Variants in UBE3A observed in about 807,000 individuals in gnomAD.
UBE3A encodes ubiquitin protein ligase E3A.
In UBE3A, 6 loss-of-function variants were observed where a neutral mutation model predicts 83.4. The observed-to-expected ratio is 0.07, with a 90% CI of 0.04 to 0.14. UBE3A has a LOEUF of 0.14. Ranked by LOEUF, UBE3A falls within the 10% of genes least tolerant of loss-of-function variation. The probability of loss-of-function intolerance (pLI) is 1.00; values close to 1 mark genes in which losing one functional copy is unlikely to be tolerated. For missense variants in UBE3A, 456 were observed against 1,036.1 expected (o/e 0.44, Z 7.69); for synonymous variants, 337 against 355.4 (o/e 0.95, Z 0.58).
intron 4 of UBE3A, among the ~76,000 whole-genome samples, chr15:25,388,603 A>AAG (rs1420231787): frequency 6.6e-6 from 1 of 152,210 alleles, no homozygotes; most frequent in Non-Finnish European, 1.5e-5. Context: ...AGTCCTAGCT[A>AAG]AGACAAGAAA....
chr15:25,340,034 G>C, intron 12 of UBE3A, 51 bp downstream of exon 12: 1 of 1,610,584 alleles, frequency 6.2e-7, no homozygotes, highest in Non-Finnish European at 8.5e-7. Context: ...TATGTGACGA[G>C]GAATGCAAGG....
chr15:25,420,506 A>G (rs887657061), intron 1 of UBE3A: 24 of 152,228 alleles, frequency 1.6e-4, no homozygotes, highest in African/African-American at 4.6e-4. Flanking sequence ...GACAAAGAAC[A>G]TATGTTCTGA....
At chr15:25,380,083 T>G (rs2081926389) in intron 4 of UBE3A, among the ~76,000 whole-genome samples, 1 of 152,122 alleles carries the variant, frequency 6.6e-6, no homozygotes, top group African/African-American at 2.4e-5. Context: ...GTTCTTGTGG[T>G]AGTAAGTCTC....
intron 7 of UBE3A, among the ~76,000 whole-genome samples, chr15:25,358,864 TTTAGTTATAAGTATGGTA>T (rs1298839413): frequency 6.6e-6 from 1 of 152,270 alleles, no homozygotes; most frequent in East Asian, 1.9e-4. Flanking sequence ...TGGAAATGCT[TTTAGTTATAAGTATGGTA>T]TTAACAGGAT....
intron 11 of UBE3A, among the ~76,000 whole-genome samples, chr15:25,344,097 C>T (rs993019031): frequency 3.9e-5 from 6 of 152,046 alleles, no homozygotes; most frequent in Non-Finnish European, 8.8e-5. Flanking sequence ...TGCAACAATC[C>T]CACTTCTAAC....
At chr15:25,424,784 A>G (rs73366287) in intron 1 of UBE3A, among the ~76,000 whole-genome samples, 7,828 of 152,268 alleles carry the variant, frequency 0.051, 693 homozygotes, top group African/African-American at 0.18. Context: ...TCAAAACATA[A>G]AATTCTTAGA....
chr15:25,379,052 C>A (rs143453261), intron 4 of UBE3A, among the ~76,000 whole-genome samples: 21 of 152,250 alleles, frequency 1.4e-4, no homozygotes, highest in African/African-American at 4.3e-4. Context: ...AACTATGTGA[C>A]CCTGAATGAA....
In UBE3A at chr15:25,335,127, ACT is replaced by A. The variant is rs1364792357; in HGVS notation, c.*4008_*4009del. ...GAGTATCAAGAGGAGACCCTAAGACACTCTGTAAGAATCCCAGTGACTCCTCA... is the reference window on the plus strand; with the variant it reads ...GAGTATCAAGAGGAGACCCTAAGACACTGTAAGAATCCCAGTGACTCCTCA... On this transcript the variant is annotated 3_prime_UTR_variant, in exon 13 of 13. Transcript: ENST00000648336. The A allele has an allele frequency of 7.9e-5, 12 of 152,132 alleles. No individual in the cohort carries two copies. The highest frequency in any genetic ancestry group is 2.9e-4 in the African/African-American group (12 of 41,418). The allele number at this position is 152,132 out of a possible 1,614,324, so 9.4% of individuals were successfully genotyped here. A position where few individuals can be genotyped will look rare whatever the true frequency, so the allele number is the denominator to read the frequency against.
intron 11 of UBE3A, among the ~76,000 whole-genome samples, chr15:25,343,502 T>A (rs1055233900): frequency 2.0e-5 from 3 of 152,052 alleles, no homozygotes; most frequent in African/African-American, 7.2e-5. Context: ...TATTATAAGG[T>A]GACCAAAGAA....
intron 11 of UBE3A, among the ~76,000 whole-genome samples, chr15:25,343,698 G>T (rs1355293049): frequency 6.6e-6 from 1 of 151,906 alleles, no homozygotes; most frequent in Non-Finnish European, 1.5e-5. Flanking sequence ...AAGGTTAAAA[G>T]ACAAATGACA....
At chr15:25,347,063 A>G (rs2075795398) in intron 11 of UBE3A, 1 of 152,208 alleles carries the variant, frequency 6.6e-6, no homozygotes, top group Non-Finnish European at 1.5e-5. Context: ...CAGAAAGAGA[A>G]AAACAAAAAG....
intron 11 of UBE3A, 115 bp from the exon 12 acceptor site, chr15:25,340,343 T>C: frequency 8.0e-7 from 1 of 1,242,580 alleles, no homozygotes; most frequent in Non-Finnish European, 1.2e-6. Context: ...AAGTTAATTA[T>C]CAGGATAGTA....
chr15:25,408,827 A>T, intron 3 of UBE3A: 2 of 842,420 alleles, frequency 2.4e-6, no homozygotes, highest in Non-Finnish European at 3.5e-6. Context: ...TTTATAGTAA[A>T]ATGTTTAAAA....
intron 4 of UBE3A, among the ~76,000 whole-genome samples, chr15:25,390,001 A>C (rs2083968891): frequency 6.6e-6 from 1 of 152,086 alleles, no homozygotes; most frequent in Non-Finnish European, 1.5e-5. Flanking sequence ...CTTAACAGAC[A>C]CCTCACCAAA....
intron 4 of UBE3A, among the ~76,000 whole-genome samples, chr15:25,378,013 T>C (rs1187948882): frequency 6.6e-6 from 1 of 151,824 alleles, no homozygotes; most frequent in African/African-American, 2.4e-5. Context: ...TGATTTCTTA[T>C]TTATTCTTTC....
rs1353759574 is a variant in UBE3A at position 25,372,000 on chromosome 15, G to A, written c.362-188C>T. ...TTAATGCTTACCTATTTTTTTCAAT[G>A]AACTACCTACCTATACCAATGACCT... On this transcript the variant is annotated intron_variant, in intron 5 of 12. Coordinates refer to ENST00000648336, the MANE Select transcript of UBE3A (RefSeq NM_130839.5). The surrounding 1 kb of genome is among the most constrained non-coding windows in gnomAD (Gnocchi z 5.3). 6.6e-6 allele frequency among the ~76,000 whole-genome samples: 1 copy of A among 151,720 alleles called. No individual in the cohort carries two copies. The highest frequency in any genetic ancestry group is 6.6e-5 in the Admixed American group (1 of 15,254).
chr15:25,347,426 G>A (rs2075855936), intron 11 of UBE3A, among the ~76,000 whole-genome samples: 1 of 152,136 alleles, frequency 6.6e-6, no homozygotes, highest in African/African-American at 2.4e-5. Context: ...AGAAGGCCAG[G>A]CATGGTGGCT....
chr15:25,409,002 C>G, intron 3 of UBE3A, 86 bp downstream of exon 3: 1 of 1,387,810 alleles, frequency 7.2e-7, no homozygotes, highest in Non-Finnish European at 1.0e-6. Flanking sequence ...GTATTCCTGC[C>G]AACTATACAT....
In UBE3A at chr15:25,350,186, AG is replaced by A. The variant is rs2076286777; in HGVS notation, c.2354+4166del. Among the ~76,000 whole-genome samples the A allele has an allele frequency of 3.3e-5, 5 of 152,238 alleles. No homozygotes were observed. In the South Asian group the frequency reaches 1.0e-3, roughly 32 times the overall value. ...TGACGTAAGAAGATTGCATGAGCCCAGATACTCAGAGGACTGAGGTAAGAAG... is the reference window on the plus strand; with the variant it reads ...TGACGTAAGAAGATTGCATGAGCCCAATACTCAGAGGACTGAGGTAAGAAG... On this transcript the variant is annotated intron_variant, in intron 11 of 12. Transcript: ENST00000648336.
Sources: gnomAD v4.1 joint callset for allele counts (sites outside exome capture counted in the v4.1 genomes callset) on GRCh38, gnomAD v4.1.1 for gene constraint, Gnocchi (gnomAD v3.1) non-coding constraint, MANE v1.5 for transcripts, NCBI Gene and HGNC (gene_info 2026-07-23, HGNC 2026-07-21) for gene names.